The following RTL4 variants were observed in gnomAD, a reference collection of about 807,000 sequenced individuals.
RTL4 encodes retrotransposon Gag-like protein 4.
A neutral mutation model predicts 5.3 loss-of-function variants in RTL4; 4 were observed. The observed-to-expected ratio is 0.75, with a 90% CI of 0.37 to 1.72. The LOEUF (loss-of-function observed/expected upper bound fraction) is 1.72, where lower values mean the gene tolerates loss of function less well. RTL4 is among the 40% of genes most tolerant of loss of function. The probability of loss-of-function intolerance (pLI) is 0.04; values close to 1 mark genes in which losing one functional copy is unlikely to be tolerated. For missense variants in RTL4, 260 were observed against 227.1 expected (o/e 1.14, Z -0.93); for synonymous variants, 98 against 87.3 (o/e 1.12, Z -0.68).
the RTL4 span, among the ~76,000 whole-genome samples, chrX:112,435,018 T>C: frequency 9.0e-6 from 1 of 110,776 alleles, no homozygotes; most frequent in Non-Finnish European, 1.9e-5. Context: ...CAGGGGGAAA[T>C]GCTGTAAATG....
At chrX:112,421,389 C>G in the RTL4 span, among the ~76,000 whole-genome samples, 11 of 111,934 alleles carry the variant, frequency 9.8e-5, no homozygotes, top group Non-Finnish European at 2.1e-4. Context: ...CTAGTCCTGG[C>G]AAATGATAAT....
At chrX:112,437,073 T>C in the RTL4 span, among the ~76,000 whole-genome samples, 1 of 112,138 alleles carries the variant, frequency 8.9e-6, no homozygotes, top group Non-Finnish European at 1.9e-5. Context: ...AGCCTCCAAA[T>C]TTATTAAATT....
the RTL4 span, among the ~76,000 whole-genome samples, chrX:112,270,306 T>C: frequency 8.9e-6 from 1 of 112,732 alleles, no homozygotes. Flanking sequence ...TTCTACAAAC[T>C]TGTAAAAACC....
the RTL4 span, among the ~76,000 whole-genome samples, chrX:112,183,832 A>G: frequency 2.7e-5 from 3 of 111,735 alleles, no homozygotes; most frequent in East Asian, 2.8e-4. Flanking sequence ...TAATTAGAAA[A>G]TAAGTGTATT....
chrX:112,121,840 A>G, the RTL4 span, among the ~76,000 whole-genome samples: 2,673 of 111,709 alleles, frequency 0.024, 45 homozygotes, highest in Non-Finnish European at 0.04. Context: ...CAATTAATAC[A>G]TTAGAAAATC....
the RTL4 span, among the ~76,000 whole-genome samples, chrX:112,157,083 T>TG: frequency 1.8e-5 from 2 of 109,804 alleles, no homozygotes; most frequent in African/African-American, 6.6e-5. Context: ...TGTGTGTGTG[T>TG]GTGTGTGTGT....
chrX:112,406,982 C>T, the RTL4 span, among the ~76,000 whole-genome samples: 2 of 109,869 alleles, frequency 1.8e-5, no homozygotes, highest in Non-Finnish European at 3.8e-5. Context: ...GCCCTGTGTC[C>T]CTGAATAATC....
the RTL4 span, among the ~76,000 whole-genome samples, chrX:112,143,278 A>G: frequency 3.6e-5 from 4 of 111,116 alleles, no homozygotes; most frequent in African/African-American, 1.3e-4. Flanking sequence ...GGTATTAAAA[A>G]AACACTTCAA....
At chrX:112,257,779 T>G in the RTL4 span, among the ~76,000 whole-genome samples, 4 of 108,999 alleles carry the variant, frequency 3.7e-5, no homozygotes, top group Non-Finnish European at 5.7e-5. Flanking sequence ...AACACAAACA[T>G]TCAGAACATA....
chrX:112,180,267 G>A, the RTL4 span, among the ~76,000 whole-genome samples: 5 of 111,398 alleles, frequency 4.5e-5, no homozygotes, highest in South Asian at 3.8e-4. Flanking sequence ...CTGGAGGCTC[G>A]ACATCTAAAT....
At chrX:112,258,262 A>T in the RTL4 span, among the ~76,000 whole-genome samples, 1 of 111,074 alleles carries the variant, frequency 9.0e-6, no homozygotes, top group Non-Finnish European at 1.9e-5. Flanking sequence ...CAACACCAAG[A>T]GTGAACCCTA....
At chrX:112,321,483 C>G in the RTL4 span, among the ~76,000 whole-genome samples, 2 of 105,185 alleles carry the variant, frequency 1.9e-5, no homozygotes, top group Non-Finnish European at 3.9e-5. Flanking sequence ...TTGTAGTGAG[C>G]CGAGATCATG....
the RTL4 span, among the ~76,000 whole-genome samples, chrX:112,091,238 T>A: frequency 1.8e-5 from 2 of 111,779 alleles, no homozygotes; most frequent in Non-Finnish European, 3.8e-5. Context: ...TTTTCTAATA[T>A]CTGTTTTATT....
chrX:112,084,308 C>T, the RTL4 span, among the ~76,000 whole-genome samples: 3 of 110,435 alleles, frequency 2.7e-5, no homozygotes, highest in Admixed American at 9.7e-5. Context: ...AGTCCCGAGG[C>T]AGTCCAATAT....
At chrX:112,228,842 A>T in the RTL4 span, among the ~76,000 whole-genome samples, 1 of 111,580 alleles carries the variant, frequency 9.0e-6, no homozygotes, top group Non-Finnish European at 1.9e-5. Flanking sequence ...TCTCCATATA[A>T]TTCTAATTTG....
chrX:112,408,342 G>A, the RTL4 span, among the ~76,000 whole-genome samples: 1 of 109,825 alleles, frequency 9.1e-6, no homozygotes, highest in Non-Finnish European at 1.9e-5. Flanking sequence ...AAATTCTGGA[G>A]TTGAAAAAAT....
At chrX:112,333,751 G>A in the RTL4 span, among the ~76,000 whole-genome samples, 1 of 111,053 alleles carries the variant, frequency 9.0e-6, no homozygotes, top group African/African-American at 3.3e-5. Context: ...TCACATCATG[G>A]GGAATGGGGT....
At chrX:112,455,212 G>C (rs7474140) in exon 1 of RTL4, 1 of 1,208,748 alleles carries the variant, frequency 8.3e-7, no homozygotes, top group Non-Finnish European at 1.1e-6. Context: ...CTCTCAGCAG[G>C]ACCCTGCTAC....
At chrX:112,223,246 A>C in the RTL4 span, among the ~76,000 whole-genome samples, 2 of 112,230 alleles carry the variant, frequency 1.8e-5, no homozygotes, top group African/African-American at 6.5e-5. Context: ...ACCAAAGATC[A>C]ACTGACTGAA....
Sources: allele counts gnomAD v4.1 joint callset (sites outside exome capture counted in the v4.1 genomes callset), GRCh38; gene constraint gnomAD v4.1.1; transcripts MANE v1.5; gene names NCBI Gene and HGNC (gene_info 2026-07-23, HGNC 2026-07-21).